The following FCHSD2 variants were observed in gnomAD, a reference collection of about 807,000 sequenced individuals.
FCHSD2 encodes the protein FCH and double SH3 domains 2, also known as F-BAR and double SH3 domains protein 2.
A neutral mutation model predicts 108.1 loss-of-function variants in FCHSD2; 38 were observed. The ratio of observed to expected loss-of-function variants is 0.35; its 90% CI spans 0.27 to 0.46. FCHSD2 has a LOEUF of 0.46. Ranked by LOEUF, FCHSD2 falls within the 20% of genes least tolerant of loss-of-function variation. The pLI is 1.00. For missense variants in FCHSD2, 751 were observed against 897.8 expected (o/e 0.84, Z 2.09); for synonymous variants, 279 against 314.7 (o/e 0.89, Z 1.20).
chr11:72,852,136 G>A (rs1377664229), intron 13 of FCHSD2, among the ~76,000 whole-genome samples: 1 of 151,836 alleles, frequency 6.6e-6, no homozygotes, highest in Non-Finnish European at 1.5e-5. Flanking sequence ...TGATCCTCCC[G>A]CCTTGGCCTC....
At chr11:72,992,527 C>T (rs1171402175) in intron 5 of FCHSD2, among the ~76,000 whole-genome samples, 1 of 152,134 alleles carries the variant, frequency 6.6e-6, no homozygotes, top group Non-Finnish European at 1.5e-5. Flanking sequence ...GCTACGGTAA[C>T]CAAAACAGCA....
rs1357669350 is a variant in FCHSD2, at chr11:72,837,630, T to G, written c.*1161A>C. ...AGAGAAGGCCACTCCTGGCTTTCCC[T>G]GTGACACACAGAAGACACTTGTCTT... is the stretch of plus-strand genomic sequence containing the variant. On this transcript the variant is annotated 3_prime_UTR_variant, in exon 20 of 20. Transcript: ENST00000409418. The G allele has an allele frequency of 6.6e-6, 1 of 152,254 alleles. No individual in the cohort carries two copies. Among genetic ancestry groups the G allele is most frequent in the Non-Finnish European group, 1.5e-5 (1 of 68,066 alleles). The allele number at this position is 152,254 out of a possible 1,614,324, so 9.4% of individuals were successfully genotyped here. A position where few individuals can be genotyped will look rare whatever the true frequency, so the allele number is the denominator to read the frequency against.
chr11:72,875,327 T>C (rs1854945788), intron 12 of FCHSD2, among the ~76,000 whole-genome samples: 1 of 152,176 alleles, frequency 6.6e-6, no homozygotes. Context: ...ACAAAACAAT[T>C]CTAGGGGTCA....
chr11:72,913,835 C>CAAAAAAAAAAAAA (rs71458287), intron 9 of FCHSD2, among the ~76,000 whole-genome samples: 1 of 145,706 alleles, frequency 6.9e-6, no homozygotes. Context: ...AAAAAAAAAA[C>CAAAAAAAAAAAAA]AAAAAAAAAA....
intron 3 of FCHSD2, among the ~76,000 whole-genome samples, chr11:73,037,227 A>C (rs1441600396): frequency 6.6e-6 from 1 of 152,192 alleles, no homozygotes; most frequent in Non-Finnish European, 1.5e-5. Flanking sequence ...CTCCCCATTA[A>C]CAACATCCCC....
intron 3 of FCHSD2, among the ~76,000 whole-genome samples, chr11:73,020,783 T>G (rs765806571): frequency 1.3e-5 from 2 of 151,930 alleles, no homozygotes; most frequent in Non-Finnish European, 2.9e-5. Flanking sequence ...TTCTATATAT[T>G]AAAAACTAAA....
chr11:73,072,083 A>G (rs1481150386), intron 3 of FCHSD2, among the ~76,000 whole-genome samples: 1 of 151,802 alleles, frequency 6.6e-6, no homozygotes, highest in Non-Finnish European at 1.5e-5. Flanking sequence ...TACGCAGACC[A>G]CTATGTCCTG....
At chr11:73,051,342 A>G (rs1307715446) in intron 3 of FCHSD2, among the ~76,000 whole-genome samples, 1 of 152,116 alleles carries the variant, frequency 6.6e-6, no homozygotes, top group Non-Finnish European at 1.5e-5. Flanking sequence ...AAAAATTTAA[A>G]TCTGAGAAAA....
intron 8 of FCHSD2, among the ~76,000 whole-genome samples, chr11:72,959,070 A>C (rs911780147): frequency 6.6e-6 from 1 of 151,674 alleles, no homozygotes. Context: ...ACATATCAGA[A>C]TCTTGGGAGG....
At chr11:73,044,663 T>C (rs752840542) in intron 3 of FCHSD2, among the ~76,000 whole-genome samples, 12 of 152,190 alleles carry the variant, frequency 7.9e-5, no homozygotes, top group Admixed American at 2.0e-4. Context: ...AGCATACATG[T>C]GCTAGATACA....
At chr11:73,020,763 T>C (rs1417349751) in intron 3 of FCHSD2, among the ~76,000 whole-genome samples, 2 of 152,006 alleles carry the variant, frequency 1.3e-5, no homozygotes, top group Non-Finnish European at 2.9e-5. Flanking sequence ...TAATCTCATA[T>C]AATAATATGT....
chr11:72,873,696 T>C (rs530412936), intron 12 of FCHSD2, among the ~76,000 whole-genome samples: 11 of 152,344 alleles, frequency 7.2e-5, no homozygotes, highest in African/African-American at 2.2e-4. Flanking sequence ...TGTAAGTTTA[T>C]TAGCTTTCGC....
At chr11:73,048,497 G>A (rs143430107) in intron 3 of FCHSD2, among the ~76,000 whole-genome samples, 1 of 152,298 alleles carries the variant, frequency 6.6e-6, no homozygotes, top group Non-Finnish European at 1.5e-5. Flanking sequence ...GCTAACTTCT[G>A]CTCATGAATC....
intron 5 of FCHSD2, among the ~76,000 whole-genome samples, chr11:72,993,863 T>A (rs571833639): frequency 2.0e-5 from 3 of 152,202 alleles, no homozygotes; most frequent in South Asian, 2.1e-4. Flanking sequence ...CATATGTAAC[T>A]AACCTGCACG....
In FCHSD2 at chr11:72,976,044, C is replaced by G. The variant is rs971205217; in HGVS notation, c.705+8044G>C. On this transcript the variant is annotated intron_variant, in intron 8 of 19. Transcript: ENST00000409418. ...GGAACATGTGAGGAACAAATTATCTCACCACAAACCAGCTGAGTTGATTTC... is the reference window on the plus strand; with the variant it reads ...GGAACATGTGAGGAACAAATTATCTGACCACAAACCAGCTGAGTTGATTTC... Among the ~76,000 whole-genome samples, 5 of 152,194 alleles carry G rather than the reference C, an allele frequency of 3.3e-5. No individual in the cohort carries two copies. In the East Asian group the frequency reaches 5.8e-4, roughly 18 times the overall value.
At chr11:73,037,605 A>C (rs984804499) in intron 3 of FCHSD2, among the ~76,000 whole-genome samples, 2 of 152,128 alleles carry the variant, frequency 1.3e-5, no homozygotes, top group Non-Finnish European at 2.9e-5. Context: ...AGATATTCTA[A>C]TCCCACTTAC....
At chr11:72,971,382 C>T (rs1221863331) in intron 8 of FCHSD2, among the ~76,000 whole-genome samples, 1 of 152,126 alleles carries the variant, frequency 6.6e-6, no homozygotes, top group Non-Finnish European at 1.5e-5. Context: ...CTTTGAGTGT[C>T]AGTAGAACAT....
At chr11:72,904,196 A>G (rs1855584317) in intron 9 of FCHSD2, among the ~76,000 whole-genome samples, 1 of 152,172 alleles carries the variant, frequency 6.6e-6, no homozygotes, top group Non-Finnish European at 1.5e-5. Context: ...TCAAAGAGAA[A>G]TGTACTTTGT....
intron 12 of FCHSD2, among the ~76,000 whole-genome samples, chr11:72,880,869 A>AG (rs1855070110): frequency 1.3e-5 from 1 of 78,796 alleles, no homozygotes. Context: ...CCCTGTCTCG[A>AG]AAAAAAAAAA....
Sources: allele counts gnomAD v4.1 joint callset (sites outside exome capture counted in the v4.1 genomes callset), GRCh38; gene constraint gnomAD v4.1.1; transcripts MANE v1.5; gene names NCBI Gene and HGNC (gene_info 2026-07-23, HGNC 2026-07-21).